Variants in LRRC37A2 observed in about 807,000 individuals in gnomAD.
The protein encoded by LRRC37A2 is leucine rich repeat containing 37 member A2.
In LRRC37A2, 9 loss-of-function variants were observed where a neutral mutation model predicts 68.8. The ratio of observed to expected loss-of-function variants is 0.13; its 90% confidence interval spans 0.08 to 0.23. LRRC37A2 has a LOEUF of 0.23. Ranked by LOEUF, LRRC37A2 falls within the 10% of genes least tolerant of loss-of-function variation. The pLI, the probability that LRRC37A2 is intolerant of heterozygous loss-of-function variation, is 1.00. For synonymous variants in LRRC37A2, 63 were observed against 367.6 expected (o/e 0.17, Z 9.48); for missense variants, 168 against 950.4 (o/e 0.18, Z 10.82).
the LRRC37A2 span, chr17:46,885,091 C>T: frequency 1.1e-4 from 49 of 434,786 alleles, no homozygotes; most frequent in Non-Finnish European, 1.5e-4. Flanking sequence ...CGGATTCAAG[C>T]GATTCTCCCG....
At chr17:46,979,429 C>A in the LRRC37A2 span, among the ~76,000 whole-genome samples, 1 of 152,178 alleles carries the variant, frequency 6.6e-6, no homozygotes, top group African/African-American at 2.4e-5. Flanking sequence ...AGCCTCTGTC[C>A]GCGGGCCGGC....
chr17:46,757,263 A>C, the LRRC37A2 span: 47 of 152,446 alleles, frequency 3.1e-4, no homozygotes, highest in Non-Finnish European at 5.0e-4. Flanking sequence ...GTATTGTGAG[A>C]TCCTGTGATT....
the LRRC37A2 span, among the ~76,000 whole-genome samples, chr17:46,823,558 G>A: frequency 6.6e-6 from 1 of 151,926 alleles, no homozygotes; most frequent in African/African-American, 2.4e-5. Flanking sequence ...TCCTGCCTCC[G>A]CCGCTCAAGT....
the LRRC37A2 span, among the ~76,000 whole-genome samples, chr17:47,003,401 A>G: frequency 6.6e-6 from 1 of 152,176 alleles, no homozygotes; most frequent in Admixed American, 6.5e-5. Flanking sequence ...AACTACTAGC[A>G]CCACTGTCCT....
the LRRC37A2 span, chr17:46,940,035 T>C: frequency 1.9e-6 from 2 of 1,051,046 alleles, no homozygotes. Context: ...CCTTTGGTTG[T>C]CCTGCCCTAC....
At chr17:46,558,099 G>T (rs1192065130), downstream of LRRC37A2, among the ~76,000 whole-genome samples, 3 of 133,230 alleles carry the variant, frequency 2.3e-5, no homozygotes, top group Non-Finnish European at 4.8e-5. Flanking sequence ...TGCTCTTGTT[G>T]CTCAGTCTGG....
chr17:46,926,418 A>G, the LRRC37A2 span, among the ~76,000 whole-genome samples: 1 of 152,158 alleles, frequency 6.6e-6, no homozygotes, highest in African/African-American at 2.4e-5. Context: ...AAGCACTTCC[A>G]TTAAAAAATT....
chr17:46,901,618 T>C, the LRRC37A2 span, among the ~76,000 whole-genome samples: 4 of 152,128 alleles, frequency 2.6e-5, no homozygotes, highest in South Asian at 2.1e-4. Flanking sequence ...GTGTAGTAGG[T>C]GGCATAGGAA....
At chr17:46,779,103 A>ACACACACACACACACACCCCCCCC in the LRRC37A2 span, among the ~76,000 whole-genome samples, 1 of 133,590 alleles carries the variant, frequency 7.5e-6, no homozygotes, top group African/African-American at 2.8e-5. Flanking sequence ...ACACACACAC[A>ACACACACACACACACACCCCCCCC]CCCCAGCCCA....
the LRRC37A2 span, among the ~76,000 whole-genome samples, chr17:47,023,239 T>C: frequency 3.3e-5 from 5 of 152,382 alleles, no homozygotes; most frequent in Admixed American, 2.6e-4. Context: ...TGTTTTATCA[T>C]TTTCTTACTG....
At chr17:46,894,898 CG>C in the LRRC37A2 span, among the ~76,000 whole-genome samples, 1 of 152,246 alleles carries the variant, frequency 6.6e-6, no homozygotes, top group Non-Finnish European at 1.5e-5. Flanking sequence ...AGCCAATTCC[CG>C]GGCCATGCAA....
At chr17:46,884,480 C>T in the LRRC37A2 span, among the ~76,000 whole-genome samples, 1 of 152,102 alleles carries the variant, frequency 6.6e-6, no homozygotes, top group Non-Finnish European at 1.5e-5. Flanking sequence ...TGCTGGGGGC[C>T]AGGGATGGGG....
At chr17:46,765,204 C>G in the LRRC37A2 span, among the ~76,000 whole-genome samples, 1 of 152,340 alleles carries the variant, frequency 6.6e-6, no homozygotes, top group East Asian at 1.9e-4. Context: ...CAAGATAAGA[C>G]TACTTTACAG....
chr17:46,851,839 T>A, the LRRC37A2 span: 1 of 453,134 alleles, frequency 2.2e-6, no homozygotes, highest in Non-Finnish European at 3.5e-6. This position sits in a 1 kb window ranked among gnomAD's most constrained non-coding sequence, Gnocchi z 4.3. Context: ...ACTCAGACCC[T>A]AGCCCGGCGC....
At chr17:47,010,325 G>C in the LRRC37A2 span, 1 of 152,250 alleles carries the variant, frequency 6.6e-6, no homozygotes, top group Non-Finnish European at 1.5e-5. Context: ...ATGCATATGG[G>C]GGGTGACAGG....
the LRRC37A2 span, among the ~76,000 whole-genome samples, chr17:46,889,342 G>A: frequency 6.6e-6 from 1 of 152,106 alleles, no homozygotes; most frequent in African/African-American, 2.4e-5. Flanking sequence ...GGCGGGGGTG[G>A]CTCAGCATGT....
chr17:46,754,926 A>G, the LRRC37A2 span, among the ~76,000 whole-genome samples: 1 of 152,238 alleles, frequency 6.6e-6, no homozygotes, highest in Admixed American at 6.5e-5. Flanking sequence ...GGTATCTTCT[A>G]CTTTGCTGTG....
the LRRC37A2 span, among the ~76,000 whole-genome samples, chr17:46,769,448 G>A: frequency 6.6e-6 from 1 of 152,214 alleles, no homozygotes; most frequent in Non-Finnish European, 1.5e-5. Flanking sequence ...GGGAGTGGAG[G>A]CTGAATTCAA....
At chr17:46,657,602 T>TA in the LRRC37A2 span, among the ~76,000 whole-genome samples, 1 of 127,280 alleles carries the variant, frequency 7.9e-6, no homozygotes, top group African/African-American at 3.0e-5. Context: ...ATTCTTCAAG[T>TA]TTCAGCTTGA....
Sources: allele counts gnomAD v4.1 joint callset (sites outside exome capture counted in the v4.1 genomes callset), GRCh38; gene constraint gnomAD v4.1.1; non-coding constraint Gnocchi (gnomAD v3.1); transcripts MANE v1.5; gene names NCBI Gene and HGNC (gene_info 2026-07-23, HGNC 2026-07-21).